Variants in CDH13 observed in about 807,000 individuals in gnomAD.
The protein encoded by CDH13 is cadherin 13, also known as cadherin-13.
CDH13 carries 24 observed loss-of-function variants against 63.8 expected under a neutral mutation model. The ratio of observed to expected loss-of-function variants is 0.38; its 90% confidence interval spans 0.27 to 0.53. The LOEUF is 0.53. CDH13 is among the 20% of genes least tolerant of loss of function. The probability of loss-of-function intolerance (pLI) is 0.85; values close to 1 mark genes in which losing one functional copy is unlikely to be tolerated. For missense variants in CDH13, 1,049 were observed against 903.1 expected (o/e 1.16, Z -2.07); for synonymous variants, 503 against 355.3 (o/e 1.42, Z -4.67).
intron 5 of CDH13, among the ~76,000 whole-genome samples, chr16:83,246,554 A>G (rs1398069660): frequency 2.0e-5 from 3 of 151,852 alleles, no homozygotes; most frequent in Non-Finnish European, 4.4e-5. Context: ...TATTCCTTCT[A>G]GAATGTATTT....
intron 8 of CDH13, among the ~76,000 whole-genome samples, chr16:83,624,322 G>T (rs1316291732): frequency 6.7e-6 from 1 of 149,716 alleles, no homozygotes; most frequent in Non-Finnish European, 1.5e-5. Context: ...TGATTCCCAG[G>T]AAATGATGAG....
chr16:83,699,742 C>G (rs967247527), intron 10 of CDH13, among the ~76,000 whole-genome samples: 4 of 152,206 alleles, frequency 2.6e-5, no homozygotes, highest in African/African-American at 9.7e-5. Flanking sequence ...GCAGTTACAT[C>G]ACATCACATC....
chr16:83,507,543 CAAATT>C (rs982222585), intron 7 of CDH13, among the ~76,000 whole-genome samples: 50 of 152,120 alleles, frequency 3.3e-4, no homozygotes, highest in Non-Finnish European at 4.6e-4. Context: ...ACTCTGGAAA[CAAATT>C]AAAGAGCCCA....
At chr16:82,643,035 T>C (rs994770414) in intron 1 of CDH13, among the ~76,000 whole-genome samples, 2 of 152,100 alleles carry the variant, frequency 1.3e-5, no homozygotes, top group Non-Finnish European at 2.9e-5. Context: ...GATTAGAAGA[T>C]GTCTAGGGCT....
intron 1 of CDH13, among the ~76,000 whole-genome samples, chr16:82,754,805 G>A (rs561827413): frequency 2.2e-4 from 34 of 152,190 alleles, no homozygotes; most frequent in African/African-American, 8.2e-4. Context: ...GTCCTTTTAT[G>A]AATAATACAA....
At position 83,795,123 on chromosome 16, in the gene CDH13, A is replaced by G. The variant is rs1904275502; in HGVS notation, c.*93A>G. The G allele has an allele frequency of 1.8e-6, 2 of 1,099,484 alleles. No homozygotes were observed. The highest frequency in any genetic ancestry group is 2.6e-5 in the East Asian group (1 of 38,694). 68.1% of individuals were successfully genotyped at this position (1,099,484 alleles called of 1,614,324 possible). On this transcript the variant is annotated 3_prime_UTR_variant, in exon 14 of 14. Coordinates refer to ENST00000567109, the MANE Select transcript of CDH13 (RefSeq NM_001257.5). Reference sequence around the variant, plus strand: ...AATCTGAAGATTGCGGTTTACAGCTATCGAACTTCACAACTAGGCCTCAAT... The same window carrying G: ...AATCTGAAGATTGCGGTTTACAGCTGTCGAACTTCACAACTAGGCCTCAAT...
At chr16:83,666,416 G>A (rs1913954139) in intron 8 of CDH13, among the ~76,000 whole-genome samples, 1 of 152,150 alleles carries the variant, frequency 6.6e-6, no homozygotes, top group Non-Finnish European at 1.5e-5. Context: ...TAATAATTGT[G>A]TTGAATGTTT....
intron 2 of CDH13, among the ~76,000 whole-genome samples, chr16:82,926,972 A>T (rs1347595748): frequency 1.3e-5 from 2 of 152,064 alleles, no homozygotes; most frequent in Non-Finnish European, 2.9e-5. Context: ...CTCAATGGGG[A>T]CTATTCATCT....
intron 6 of CDH13, among the ~76,000 whole-genome samples, chr16:83,410,385 A>T (rs913446828): frequency 4.1e-4 from 62 of 152,308 alleles, no homozygotes; most frequent in African/African-American, 1.4e-3. Flanking sequence ...ATCTTCTAAA[A>T]ATGTTAGAAA....
At chr16:83,104,021 A>G (rs1052357622) in intron 3 of CDH13, among the ~76,000 whole-genome samples, 6 of 152,218 alleles carry the variant, frequency 3.9e-5, no homozygotes, top group African/African-American at 1.2e-4. Flanking sequence ...GAGTTTCATT[A>G]TAAAATAGTT....
rs56342137 is a variant in CDH13, at chr16:83,351,676, C to A, written c.781+6670C>A. Among the ~76,000 whole-genome samples, 1,378 of 152,298 alleles carry A rather than the reference C, an allele frequency of 9.0e-3. 20 individuals carry two copies. Among genetic ancestry groups the A allele is most frequent in the African/African-American group, 0.032 (1,330 of 41,556 alleles). ...CTTTTCTACACTTCCATCAATTCTG[C>A]AGAAGAGAGCTCATCTCTTCCCATG... On this transcript the variant is annotated intron_variant, in intron 6 of 13. Transcript: ENST00000567109.
intron 3 of CDH13, among the ~76,000 whole-genome samples, chr16:83,091,672 C>T (rs1487409969): frequency 6.6e-6 from 1 of 152,152 alleles, no homozygotes; most frequent in South Asian, 2.1e-4. Flanking sequence ...AAACATACCT[C>T]ATCAGATAAG....
intron 3 of CDH13, among the ~76,000 whole-genome samples, chr16:83,105,031 G>A (rs1376126299): frequency 1.3e-5 from 2 of 151,900 alleles, no homozygotes; most frequent in African/African-American, 4.8e-5. Context: ...TTAAGTTCCG[G>A]GGTACACGCA....
intron 7 of CDH13, 63 bp downstream of exon 7, chr16:83,486,718 T>C: frequency 1.3e-6 from 2 of 1,482,722 alleles, no homozygotes; most frequent in Admixed American, 3.4e-5. Flanking sequence ...ATGCAAGGGA[T>C]GATGTGGGGC....
chr16:83,681,550 C>T (rs1915404730), intron 10 of CDH13, among the ~76,000 whole-genome samples: 1 of 152,148 alleles, frequency 6.6e-6, no homozygotes, highest in Non-Finnish European at 1.5e-5. Flanking sequence ...CCCCTTTCCC[C>T]TCCTCCGTTC....
intron 5 of CDH13, among the ~76,000 whole-genome samples, chr16:83,248,407 C>T (rs1905175904): frequency 6.6e-6 from 1 of 152,156 alleles, no homozygotes; most frequent in African/African-American, 2.4e-5. Context: ...TCCCCTAGAT[C>T]AGCAGCCGCA....
intron 4 of CDH13, among the ~76,000 whole-genome samples, chr16:83,191,502 T>TACAC (rs1157286256): frequency 4.6e-4 from 33 of 71,250 alleles, no homozygotes; most frequent in African/African-American, 1.5e-3. Context: ...CATATATATA[T>TACAC]ATACACACAC....
intron 3 of CDH13, among the ~76,000 whole-genome samples, chr16:83,070,657 C>T (rs911708737): frequency 6.6e-6 from 1 of 152,132 alleles, no homozygotes; most frequent in Non-Finnish European, 1.5e-5. Context: ...CTGGACAATG[C>T]TGAGACGCCC....
At chr16:83,791,028 G>A (rs1451447064) in intron 13 of CDH13, among the ~76,000 whole-genome samples, 1 of 152,080 alleles carries the variant, frequency 6.6e-6, no homozygotes. Flanking sequence ...AATTTAAAGA[G>A]GGGAGTGGGC....
Sources: allele counts gnomAD v4.1 joint callset (sites outside exome capture counted in the v4.1 genomes callset), GRCh38; gene constraint gnomAD v4.1.1; transcripts MANE v1.5; gene names NCBI Gene and HGNC (gene_info 2026-07-23, HGNC 2026-07-21).